The following CAMK1G variants were observed in gnomAD, a reference collection of about 807,000 sequenced individuals.
CAMK1G encodes calcium/calmodulin dependent protein kinase IG.
CAMK1G carries 27 observed loss-of-function variants against 54.8 expected under a neutral mutation model. That is an observed-to-expected ratio of 0.49 (90% CI 0.36 to 0.68). The LOEUF is 0.68. CAMK1G is among the 30% of genes least tolerant of loss of function. CAMK1G has a pLI of 0.00. For synonymous variants in CAMK1G, 238 were observed against 224.9 expected, an observed-to-expected ratio of 1.06 and a Z score of -0.52; for missense variants, 512 against 591.0, an observed-to-expected ratio of 0.87 and a Z score of 1.39.
chr1:209,600,811 G>A (rs533447768), intron 3 of CAMK1G, among the ~76,000 whole-genome samples: 8 of 152,216 alleles, frequency 5.3e-5, no homozygotes, highest in Non-Finnish European at 8.8e-5. Flanking sequence ...CAAAGAAGAT[G>A]GACCTTGATA....
chr1:209,585,915 C>A (rs556379401), intron 1 of CAMK1G, among the ~76,000 whole-genome samples: 20 of 152,252 alleles, frequency 1.3e-4, no homozygotes, highest in Non-Finnish European at 2.1e-4. Flanking sequence ...GCAGGCGCGC[C>A]GCCACGGTCA....
intron 2 of CAMK1G, among the ~76,000 whole-genome samples, chr1:209,597,217 T>C (rs1665412156): frequency 6.6e-6 from 1 of 152,208 alleles, no homozygotes; most frequent in South Asian, 2.1e-4. Context: ...GCAGGAAATA[T>C]AATAATTATC....
chr1:209,595,142 C>T (rs1329315194), intron 2 of CAMK1G, 67 bp downstream of exon 2: 1 of 1,117,136 alleles, frequency 9.0e-7, no homozygotes, highest in East Asian at 2.4e-5. Flanking sequence ...AAGAGTTGTT[C>T]TCTGCTGGCA....
intron 6 of CAMK1G, among the ~76,000 whole-genome samples, chr1:209,606,657 C>T (rs1204409560): frequency 6.6e-6 from 1 of 152,170 alleles, no homozygotes; most frequent in Non-Finnish European, 1.5e-5. Flanking sequence ...GACCGCCTAC[C>T]CCTGAGCCCT....
chr1:209,595,015 C>T lies in CAMK1G; in HGVS notation c.32C>T (p.Ser11Phe). 3 of 1,613,992 alleles carry T rather than the reference C, an allele frequency of 1.9e-6. No individual in the cohort carries two copies. Among genetic ancestry groups the T allele is most frequent in the Non-Finnish European group, 2.5e-6 (3 of 1,179,970 alleles). ...CGAAAGGAAGAAGATGACTGCAGTTCCTGGAAGAAACAGACCACCAACATC... is the reference window on the plus strand; with the variant it reads ...CGAAAGGAAGAAGATGACTGCAGTTTCTGGAAGAAACAGACCACCAACATC... MGRKEEDDCS[S>F]WKKQTTNIRK... Residue 11 changes from serine (S) to phenylalanine (F), a missense_variant, in exon 2 of 13, where the codon TCC becomes TTC. By Grantham distance (155) the Ser-to-Phe change is radical (BLOSUM62 -2). Coordinates refer to ENST00000361322, the MANE Select transcript of CAMK1G (RefSeq NM_020439.3).
At chr1:209,611,611 G>T in intron 10 of CAMK1G, 59 bp downstream of exon 10, 1 of 1,536,668 alleles carries the variant, frequency 6.5e-7, no homozygotes, top group Non-Finnish European at 9.0e-7. Context: ...GGCTGGGCTG[G>T]CAGGGGCTGA....
intron 2 of CAMK1G, among the ~76,000 whole-genome samples, chr1:209,598,922 G>A (rs1665452558): frequency 6.6e-6 from 1 of 152,162 alleles, no homozygotes; most frequent in Admixed American, 6.5e-5. Context: ...TGGGCAACTG[G>A]GTTAGTCTAT....
intron 9 of CAMK1G, among the ~76,000 whole-genome samples, chr1:209,610,541 TA>T (rs1665757470): frequency 6.6e-6 from 1 of 152,132 alleles, no homozygotes; most frequent in Non-Finnish European, 1.5e-5. Flanking sequence ...CTGGGAGCTA[TA>T]TCTGTCTCAC....
At chr1:209,609,120 TAAC>T (rs1558141604) in intron 8 of CAMK1G, 28 bp downstream of exon 8, 2 of 1,613,798 alleles carry the variant, frequency 1.2e-6, no homozygotes, top group East Asian at 2.2e-5. Context: ...GAAGGAGAGA[TAAC>T]AGGCTCAAGG....
In CAMK1G at chr1:209,589,701, C is replaced by T. The variant is rs564628376; in HGVS notation, c.-29-5254C>T. Among the ~76,000 whole-genome samples the T allele has an allele frequency of 2.6e-5, 4 of 152,274 alleles. No individual in the cohort carries two copies. In the South Asian group the frequency reaches 6.2e-4, roughly 24 times the overall value. ...TAATACATGGTCCCAGTCCTTTAAG[C>T]AGACTGGCCTGCATTCTTAGCTCCT... On this transcript the variant is annotated intron_variant, in intron 1 of 12. Coordinates refer to ENST00000361322, the MANE Select transcript of CAMK1G (RefSeq NM_020439.3).
At chr1:209,611,403 C>G (rs1017128417) in intron 9 of CAMK1G, 62 bp from the exon 10 acceptor site, 1 of 1,489,626 alleles carries the variant, frequency 6.7e-7, no homozygotes, top group African/African-American at 1.4e-5. Context: ...GGCACCCTGC[C>G]CACTCCCTGG....
intron 1 of CAMK1G, among the ~76,000 whole-genome samples, chr1:209,586,762 A>C (rs1004349947): frequency 5.3e-5 from 8 of 152,080 alleles, no homozygotes; most frequent in African/African-American, 1.7e-4. Flanking sequence ...CCAAGGCCCA[A>C]TATACTTAGC....
intron 1 of CAMK1G, among the ~76,000 whole-genome samples, chr1:209,593,031 G>A (rs1031485146): frequency 1.3e-5 from 2 of 152,218 alleles, no homozygotes; most frequent in Admixed American, 6.5e-5. Context: ...TGTTTATCAT[G>A]TGTATCAATG....
chr1:209,589,124 C>T (rs764597194), intron 1 of CAMK1G, among the ~76,000 whole-genome samples: 2 of 152,134 alleles, frequency 1.3e-5, no homozygotes, highest in Non-Finnish European at 2.9e-5. Flanking sequence ...AGGAGATCAA[C>T]CTCAAACAAG....
rs2102395930 is a variant in CAMK1G, at chr1:209,609,944, G to A, written c.827+15G>A. The A allele has an allele frequency of 1.9e-6, 3 of 1,607,260 alleles. No individual in the cohort carries two copies. The highest frequency in any genetic ancestry group is 2.6e-6 in the Non-Finnish European group (3 of 1,173,770). On this transcript the variant is annotated intron_variant, in intron 9 of 12. Coordinates refer to ENST00000361322, the MANE Select transcript of CAMK1G (RefSeq NM_020439.3). Reference sequence around the variant, plus strand: ...AGTCATCCCTGGTGAGTGAGACATGGAGTGGACTCTAGACCCCAGCCCTGT... The same window carrying A: ...AGTCATCCCTGGTGAGTGAGACATGAAGTGGACTCTAGACCCCAGCCCTGT...
At chr1:209,601,959 T>C (rs1665540279) in intron 3 of CAMK1G, among the ~76,000 whole-genome samples, 1 of 152,238 alleles carries the variant, frequency 6.6e-6, no homozygotes, top group Admixed American at 6.5e-5. Context: ...TGACTGACTC[T>C]GAGCCTAAGT....
chr1:209,600,177 C>G, intron 3 of CAMK1G, 66 bp downstream of exon 3: 1 of 1,564,430 alleles, frequency 6.4e-7, no homozygotes, highest in Non-Finnish European at 8.7e-7. Flanking sequence ...AAATTACCTT[C>G]AAAAAGGACT....
At chr1:209,603,082 G>T in intron 3 of CAMK1G, 132 bp from the exon 4 acceptor site, 1 of 743,002 alleles carries the variant, frequency 1.3e-6, no homozygotes, top group South Asian at 1.6e-5. Flanking sequence ...TATTATGAAG[G>T]CTTCACAGAG....
chr1:209,608,006 C>T, intron 7 of CAMK1G, 73 bp downstream of exon 7: 1 of 1,180,942 alleles, frequency 8.5e-7, no homozygotes, highest in Non-Finnish European at 1.2e-6. Context: ...GTTCCCTCCC[C>T]TGTCTCAGCT....
Sources: allele counts gnomAD v4.1 joint callset (sites outside exome capture counted in the v4.1 genomes callset), GRCh38; gene constraint gnomAD v4.1.1; transcripts MANE v1.5; gene names NCBI Gene and HGNC (gene_info 2026-07-23, HGNC 2026-07-21).